The following NOL4 variants were observed in gnomAD, a reference collection of about 807,000 sequenced individuals.
NOL4 encodes cancer/testis antigen 125.
A neutral mutation model predicts 75.9 loss-of-function variants in NOL4; 17 were observed. The observed-to-expected ratio is 0.22, with a 90% CI of 0.15 to 0.34. The LOEUF is 0.34. Ranked by LOEUF, NOL4 falls within the 10% of genes least tolerant of loss-of-function variation. NOL4 has a pLI of 1.00. For synonymous variants in NOL4, 292 were observed against 289.9 expected (o/e 1.01, Z -0.07); for missense variants, 614 against 793.5 (o/e 0.77, Z 2.72).
intron 1 of NOL4, among the ~76,000 whole-genome samples, chr18:34,173,461 G>C (rs531922627): frequency 6.6e-6 from 1 of 151,998 alleles, no homozygotes; most frequent in East Asian, 1.9e-4. Context: ...CTATACACTT[G>C]TGCCATTACA....
chr18:34,128,782 A>G (rs2080499264), intron 2 of NOL4: 1 of 583,928 alleles, frequency 1.7e-6, no homozygotes, highest in Non-Finnish European at 2.2e-6. Context: ...CTGGAAATAT[A>G]GCAAAAAATA....
chr18:33,935,022 C>A (rs141430611), intron 9 of NOL4, among the ~76,000 whole-genome samples: 3 of 151,996 alleles, frequency 2.0e-5, no homozygotes, highest in African/African-American at 7.2e-5. Context: ...CCATGCCTTG[C>A]TAATCTTTTA....
intron 1 of NOL4, among the ~76,000 whole-genome samples, chr18:34,148,407 C>A (rs1470733667): frequency 6.6e-6 from 1 of 151,800 alleles, no homozygotes; most frequent in East Asian, 1.9e-4. Flanking sequence ...GATTCTGGGA[C>A]ATTGTGTTTC....
chr18:33,962,465 A>T (rs990250267), intron 6 of NOL4, among the ~76,000 whole-genome samples: 1 of 152,226 alleles, frequency 6.6e-6, no homozygotes, highest in Admixed American at 6.5e-5. Context: ...TATGAAGGGA[A>T]AATTTAAATT....
chr18:34,125,953 T>C (rs2080365910), intron 2 of NOL4, among the ~76,000 whole-genome samples: 1 of 136,554 alleles, frequency 7.3e-6, no homozygotes, highest in Non-Finnish European at 1.6e-5. Context: ...GATAGTGACA[T>C]CTACAGGATG....
chr18:33,954,568 T>A (rs927699865), intron 8 of NOL4, among the ~76,000 whole-genome samples: 6 of 151,978 alleles, frequency 3.9e-5, no homozygotes, highest in Non-Finnish European at 7.4e-5. Context: ...GATTAAATGT[T>A]CCTCTCATTG....
At chr18:34,107,530 C>T (rs1438782591) in intron 2 of NOL4, among the ~76,000 whole-genome samples, 1 of 151,898 alleles carries the variant, frequency 6.6e-6, no homozygotes, top group African/African-American at 2.4e-5. Context: ...ATTCCACTCC[C>T]CTTGAATCTT....
chr18:34,138,516 A>C (rs963592258), intron 1 of NOL4, among the ~76,000 whole-genome samples: 38 of 152,300 alleles, frequency 2.5e-4, no homozygotes, highest in African/African-American at 8.4e-4. Flanking sequence ...GGAGGGACAA[A>C]ATGTTCCAAA....
intron 9 of NOL4, among the ~76,000 whole-genome samples, chr18:33,891,921 G>A (rs1013516772): frequency 1.4e-4 from 22 of 152,076 alleles, no homozygotes; most frequent in African/African-American, 5.1e-4. Flanking sequence ...CATTATTAAT[G>A]TTTTTGGCAG....
chr18:34,194,006 T>A (rs1457148656), intron 1 of NOL4, among the ~76,000 whole-genome samples: 1 of 152,090 alleles, frequency 6.6e-6, no homozygotes, highest in African/African-American at 2.4e-5. Context: ...CTCATTTATA[T>A]GTGAACTTTA....
chr18:34,117,507 A>C (rs181027220), intron 2 of NOL4, among the ~76,000 whole-genome samples: 1 of 152,294 alleles, frequency 6.6e-6, no homozygotes, highest in East Asian at 1.9e-4. Flanking sequence ...GTTTGGGGTG[A>C]CCTTTCTGAA....
chr18:34,005,415 C>T (rs559946442), intron 6 of NOL4, among the ~76,000 whole-genome samples: 1 of 152,166 alleles, frequency 6.6e-6, no homozygotes, highest in South Asian at 2.1e-4. Flanking sequence ...AGGCTCAGAT[C>T]TTCTGACTGG....
chr18:33,931,849 T>A (rs1020601752), intron 9 of NOL4, among the ~76,000 whole-genome samples: 1 of 152,044 alleles, frequency 6.6e-6, no homozygotes, highest in Non-Finnish European at 1.5e-5. Context: ...AAATGCAAAG[T>A]TTTTATGTTT....
chr18:33,920,427 C>T (rs1266553683), intron 9 of NOL4, among the ~76,000 whole-genome samples: 2 of 152,180 alleles, frequency 1.3e-5, no homozygotes, highest in Admixed American at 6.5e-5. Context: ...AATATTTCTG[C>T]TGGTAAATTC....
Position 34,066,602 on chromosome 18 carries a change from AC to A in NOL4, c.772+26862del, listed in dbSNP as rs1249769119. Among the ~76,000 whole-genome samples the A allele has an allele frequency of 2.0e-5, 3 of 151,984 alleles. No homozygotes were observed. In the East Asian group the frequency reaches 5.8e-4, roughly 29 times the overall value. On this transcript the variant is annotated intron_variant, in intron 5 of 10. Coordinates refer to ENST00000261592, the MANE Select transcript of NOL4 (RefSeq NM_003787.5). ...TAGAAAGCTTGCATGTCAAATCAGT[AC>A]TAAAGTATTCCAAAACTGTCTATGA... is the stretch of plus-strand genomic sequence containing the variant.
intron 1 of NOL4, among the ~76,000 whole-genome samples, chr18:34,186,510 T>C (rs915540084): frequency 6.6e-6 from 1 of 152,188 alleles, no homozygotes; most frequent in African/African-American, 2.4e-5. Flanking sequence ...GCTGTAAAAT[T>C]ACACAAGTCT....
chr18:33,975,253 T>C (rs183641711), intron 6 of NOL4, among the ~76,000 whole-genome samples: 26 of 152,334 alleles, frequency 1.7e-4, no homozygotes, highest in Admixed American at 1.7e-3. Context: ...CGCACAACAT[T>C]GTGAATGTAG....
At chr18:33,883,454 A>G (rs750466533) in intron 9 of NOL4, 30 bp from the exon 10 acceptor site, 13 of 1,566,608 alleles carry the variant, frequency 8.3e-6, no homozygotes, top group African/African-American at 1.4e-5. Context: ...TCCATTATTT[A>G]TCACCTCACA....
At chr18:34,201,840 T>C (rs989010836) in intron 1 of NOL4, among the ~76,000 whole-genome samples, 6 of 151,834 alleles carry the variant, frequency 4.0e-5, no homozygotes, top group Admixed American at 3.3e-4. Flanking sequence ...TAATATAAAT[T>C]TTATATTCGG....
Sources: allele counts gnomAD v4.1 joint callset (sites outside exome capture counted in the v4.1 genomes callset), GRCh38; gene constraint gnomAD v4.1.1; transcripts MANE v1.5; gene names NCBI Gene and HGNC (gene_info 2026-07-23, HGNC 2026-07-21).